CCDC3: variants seen among roughly 807,000 people sequenced by gnomAD.
CCDC3 encodes coiled-coil domain containing 3, also known as coiled-coil domain-containing protein 3.
A neutral mutation model predicts 21.4 loss-of-function variants in CCDC3; 24 were observed. The observed-to-expected ratio is 1.12, with a 90% CI of 0.81 to 1.58. The LOEUF (loss-of-function observed/expected upper bound fraction) is 1.58. Among genes scored for constraint, CCDC3 ranks in the 40% most tolerant of loss-of-function variants. CCDC3 has a pLI of 0.00. For synonymous variants in CCDC3, 186 were observed against 166.0 expected (o/e 1.12, Z -0.93); for missense variants, 425 against 360.9 (o/e 1.18, Z -1.44).
intron 5 of CCDC3, among the ~76,000 whole-genome samples, chr10:13,021,315 G>C (rs183851374): frequency 6.6e-6 from 1 of 152,148 alleles, no homozygotes; most frequent in African/African-American, 2.4e-5. Flanking sequence ...GCTTAATCTT[G>C]CTGTGCTCTC....
chr10:13,096,503 G>T (rs1832630586), intron 3 of CCDC3, among the ~76,000 whole-genome samples: 1 of 152,100 alleles, frequency 6.6e-6, no homozygotes, highest in Admixed American at 6.6e-5. Context: ...GTTCTGCAGG[G>T]GTGTACGGAA....
intron 4 of CCDC3, among the ~76,000 whole-genome samples, chr10:13,054,104 C>T (rs1276510644): frequency 2.0e-5 from 3 of 147,530 alleles, no homozygotes; most frequent in South Asian, 2.1e-4. Flanking sequence ...GAGATAGGGC[C>T]GCTGCACTCT....
At chr10:12,978,824 T>C (rs147417038) in intron 2 of CCDC3, among the ~76,000 whole-genome samples, 2 of 152,328 alleles carry the variant, frequency 1.3e-5, no homozygotes, top group East Asian at 1.9e-4. Flanking sequence ...AGTTACTATC[T>C]GTACCATGTA....
intron 2 of CCDC3, among the ~76,000 whole-genome samples, chr10:12,909,352 G>A (rs1179864718): frequency 6.6e-6 from 1 of 152,208 alleles, no homozygotes; most frequent in African/African-American, 2.4e-5. Flanking sequence ...AAGGGCAAAA[G>A]GACCTGATGA....
intron 2 of CCDC3, among the ~76,000 whole-genome samples, chr10:12,934,652 T>A (rs534960328): frequency 6.6e-6 from 1 of 152,328 alleles, no homozygotes; most frequent in Admixed American, 6.5e-5. Flanking sequence ...ACATTAAGAA[T>A]CATTATGCCT....
At chr10:13,058,421 T>C (rs1039794004) in intron 4 of CCDC3, 16 of 798,930 alleles carry the variant, frequency 2.0e-5, no homozygotes, top group African/African-American at 3.4e-5. Flanking sequence ...CTTCACACCG[T>C]ATTTTGGCAG....
At chr10:12,948,151 C>G (rs533439117) in intron 2 of CCDC3, among the ~76,000 whole-genome samples, 1 of 152,080 alleles carries the variant, frequency 6.6e-6, no homozygotes, top group East Asian at 1.9e-4. Context: ...CCCACGAGAT[C>G]TGATGGTTTT....
chr10:13,069,147 C>T lies in CCDC3; in HGVS notation c.-270+4721G>A, dbSNP rs11528653. ...GCACATGCCTGTAATCCCAGCTACT[C>T]GGGAGGCTGAGGCAGGAGAAGCACT... On this transcript the variant is annotated intron_variant, in intron 4 of 6. Transcript: ENST00000378839. Among the ~76,000 whole-genome samples, 932 of 152,252 alleles carry T rather than the reference C, an allele frequency of 6.1e-3. 39 individuals are homozygous for T. In the South Asian group the frequency reaches 0.088, roughly 14 times the overall value.
At chr10:13,095,228 G>T (rs79071084) in intron 3 of CCDC3, among the ~76,000 whole-genome samples, 3,401 of 152,244 alleles carry the variant, frequency 0.022, 140 homozygotes, top group African/African-American at 0.078. Flanking sequence ...CTCATCCTCG[G>T]AATATTTGGA....
At chr10:12,906,680 C>A (rs908140404) in intron 2 of CCDC3, among the ~76,000 whole-genome samples, 2 of 152,152 alleles carry the variant, frequency 1.3e-5, no homozygotes, top group Non-Finnish European at 2.9e-5. Context: ...AGTCAATGAA[C>A]CTGTCTTGGC....
intron 5 of CCDC3, among the ~76,000 whole-genome samples, chr10:13,039,211 T>G (rs1420334794): frequency 6.6e-6 from 1 of 152,010 alleles, no homozygotes; most frequent in Non-Finnish European, 1.5e-5. Context: ...AAGTCAGGGG[T>G]TCGAGACCAG....
intron 5 of CCDC3, among the ~76,000 whole-genome samples, chr10:13,008,811 T>G (rs1249223705): frequency 6.6e-6 from 1 of 152,220 alleles, no homozygotes; most frequent in African/African-American, 2.4e-5. Context: ...AAAGCATCTA[T>G]GCAGTCTACT....
intron 3 of CCDC3, among the ~76,000 whole-genome samples, chr10:13,088,511 T>C (rs915388827): frequency 6.6e-5 from 10 of 152,244 alleles, no homozygotes; most frequent in African/African-American, 2.4e-4. Context: ...TATTGAGAAA[T>C]AGGTTTTTGA....
intron 2 of CCDC3, among the ~76,000 whole-genome samples, chr10:12,990,930 C>CA (rs1237662601): frequency 6.6e-6 from 1 of 152,114 alleles, no homozygotes; most frequent in Admixed American, 6.5e-5. Flanking sequence ...AAGATACTAC[C>CA]ACTTTTGAGT....
At chr10:12,910,412 CAT>C (rs955247160) in intron 2 of CCDC3, among the ~76,000 whole-genome samples, 21 of 152,178 alleles carry the variant, frequency 1.4e-4, no homozygotes, top group African/African-American at 4.8e-4. Context: ...AGTCCATAAC[CAT>C]ATGTCCCCAA....
At chr10:13,058,227 C>A (rs1836707638) in intron 4 of CCDC3, 2 of 1,317,102 alleles carry the variant, frequency 1.5e-6, no homozygotes. Context: ...GTAGTTCTGG[C>A]AAGGCCTGCA....
chr10:12,953,480 A>C (rs1008045029), intron 2 of CCDC3, among the ~76,000 whole-genome samples: 1 of 152,254 alleles, frequency 6.6e-6, no homozygotes, highest in Non-Finnish European at 1.5e-5. Flanking sequence ...TACAGAGAGA[A>C]TACAGGTACG....
chr10:13,008,113 C>T (rs140577721), intron 5 of CCDC3, among the ~76,000 whole-genome samples: 1 of 152,228 alleles, frequency 6.6e-6, no homozygotes, highest in Non-Finnish European at 1.5e-5. Flanking sequence ...GACAGGGTAC[C>T]CTGTTATGGG....
chr10:12,974,131 C>T (rs1016781290), intron 2 of CCDC3, among the ~76,000 whole-genome samples: 1 of 152,182 alleles, frequency 6.6e-6, no homozygotes, highest in African/African-American at 2.4e-5. Flanking sequence ...GGTGATGGAC[C>T]CAGCATTCTG....
Sources: allele counts gnomAD v4.1 joint callset (sites outside exome capture counted in the v4.1 genomes callset), GRCh38; gene constraint gnomAD v4.1.1; transcripts MANE v1.5; gene names NCBI Gene and HGNC (gene_info 2026-07-23, HGNC 2026-07-21).